Variants in DPP6 observed in about 807,000 individuals in gnomAD.
The protein encoded by DPP6 is dipeptidyl peptidase like 6.
DPP6 carries 69 observed loss-of-function variants against 122.6 expected under a neutral mutation model. That is an observed-to-expected ratio of 0.56 (90% CI 0.46 to 0.69). DPP6 has a LOEUF of 0.69. Ranked by LOEUF, DPP6 falls within the 30% of genes least tolerant of loss-of-function variation. The probability of loss-of-function intolerance (pLI) is 0.00; values close to 1 mark genes in which losing one functional copy is unlikely to be tolerated. For synonymous variants in DPP6, 418 were observed against 433.1 expected (o/e 0.97, Z 0.43); for missense variants, 928 against 1,116.9 (o/e 0.83, Z 2.41).
chr7:154,118,977 T>C (rs534995954), intron 1 of DPP6, among the ~76,000 whole-genome samples: 2,049 of 151,566 alleles, frequency 0.014, 54 homozygotes, highest in African/African-American at 0.048. Context: ...ATAATACATA[T>C]ACCACCTGGC....
chr7:154,451,317 G>A (rs542007540), intron 2 of DPP6, among the ~76,000 whole-genome samples: 1 of 142,760 alleles, frequency 7.0e-6, no homozygotes, highest in Non-Finnish European at 1.5e-5. Context: ...CCGAGATCGC[G>A]CCACTGCACT....
chr7:154,521,968 C>CTT (rs112352021), intron 3 of DPP6, among the ~76,000 whole-genome samples: 2 of 149,778 alleles, frequency 1.3e-5, no homozygotes, highest in East Asian at 2.0e-4. Flanking sequence ...CTTTCTAACT[C>CTT]TTTTTTTTTT....
At chr7:153,805,322 A>G in the DPP6 span, among the ~76,000 whole-genome samples, 20 of 152,204 alleles carry the variant, frequency 1.3e-4, no homozygotes, top group Non-Finnish European at 2.1e-4. Flanking sequence ...TTGTTAGTCC[A>G]AGGGCCCCGC....
At chr7:153,934,345 T>C (rs1472793274) in intron 1 of DPP6, among the ~76,000 whole-genome samples, 1 of 152,134 alleles carries the variant, frequency 6.6e-6, no homozygotes, top group South Asian at 2.1e-4. Context: ...TTCTCCTTTT[T>C]TTTTTCCATC....
chr7:154,412,302 A>G (rs1816670759), intron 1 of DPP6, among the ~76,000 whole-genome samples: 3 of 152,228 alleles, frequency 2.0e-5, no homozygotes, highest in African/African-American at 7.2e-5. Flanking sequence ...GCCAGGTGCC[A>G]GCAAAGTCAA....
chr7:154,334,924 C>G (rs572978915), intron 1 of DPP6, among the ~76,000 whole-genome samples: 1 of 152,040 alleles, frequency 6.6e-6, no homozygotes, highest in Admixed American at 6.6e-5. Flanking sequence ...AAAAAAAATA[C>G]AACAATGTGT....
At chr7:153,967,718 G>A (rs1486437882) in intron 1 of DPP6, among the ~76,000 whole-genome samples, 1 of 152,034 alleles carries the variant, frequency 6.6e-6, no homozygotes, top group Non-Finnish European at 1.5e-5. Context: ...TTTGTCCTGT[G>A]TGCATGCGAG....
At chr7:154,272,835 A>G (rs961753972) in intron 1 of DPP6, among the ~76,000 whole-genome samples, 18 of 152,150 alleles carry the variant, frequency 1.2e-4, no homozygotes, top group African/African-American at 3.6e-4. Flanking sequence ...TTGCATATCA[A>G]TCTTCTGTTC....
At chr7:154,131,923 C>T (rs1795303788) in intron 1 of DPP6, among the ~76,000 whole-genome samples, 1 of 152,104 alleles carries the variant, frequency 6.6e-6, no homozygotes, top group South Asian at 2.1e-4. Context: ...CCTGAAAATA[C>T]AAAAAGGACT....
At chr7:154,503,014 C>T (rs1825377780) in intron 3 of DPP6, among the ~76,000 whole-genome samples, 1 of 152,162 alleles carries the variant, frequency 6.6e-6, no homozygotes, top group African/African-American at 2.4e-5. Flanking sequence ...TGGTCAACAG[C>T]AGAATAACGG....
chr7:154,072,431 T>A (rs946228923), intron 1 of DPP6, among the ~76,000 whole-genome samples: 2 of 152,214 alleles, frequency 1.3e-5, no homozygotes, highest in African/African-American at 2.4e-5. Flanking sequence ...GGAGGACTTC[T>A]CAATAATAGA....
rs1563249287 is a variant in DPP6, at chr7:154,821,667, CATAT to C, written c.1666+14563_1666+14566del. ...ATATACACATATATATATATATACACATATATATATACACACACATATATATATA... is the reference window on the plus strand; with the variant it reads ...ATATACACATATATATATATATACACATATATACACACACATATATATATA... On this transcript the variant is annotated intron_variant, in intron 16 of 25. Transcript: ENST00000377770. The surrounding 1 kb of genome is among the most constrained non-coding windows in gnomAD (Gnocchi z 4.2). 5.7e-5 allele frequency among the ~76,000 whole-genome samples: 8 copies of C among 140,242 alleles called. No individual in the cohort carries two copies. The highest frequency in any genetic ancestry group is 7.6e-5 in the Non-Finnish European group (5 of 65,538). 92.0% of individuals were successfully genotyped at this position (140,242 alleles called of 152,430 possible). A position where few individuals can be genotyped will look rare whatever the true frequency, so the allele number is the denominator to read the frequency against.
At chr7:154,361,603 CA>C (rs34342809) in intron 1 of DPP6, among the ~76,000 whole-genome samples, 6,555 of 57,906 alleles carry the variant, frequency 0.11, 180 homozygotes, top group African/African-American at 0.23. Context: ...AATTGCTAGC[CA>C]AAAAAAAAAA....
chr7:154,854,027 G>A (rs1802618197), intron 17 of DPP6, among the ~76,000 whole-genome samples, 200 bp downstream of exon 17: 1 of 152,166 alleles, frequency 6.6e-6, no homozygotes, highest in Non-Finnish European at 1.5e-5. Context: ...CCCTGCCAGA[G>A]GGCCCCACAC....
At chr7:154,675,393 T>G (rs1375753824) in intron 7 of DPP6, among the ~76,000 whole-genome samples, 1 of 152,142 alleles carries the variant, frequency 6.6e-6, no homozygotes, top group Non-Finnish European at 1.5e-5. Flanking sequence ...TGTGTTTTAA[T>G]GGTTAGGATG....
chr7:154,738,350 T>A (rs1842663826), intron 8 of DPP6, among the ~76,000 whole-genome samples: 1 of 152,248 alleles, frequency 6.6e-6, no homozygotes, highest in South Asian at 2.1e-4. Context: ...TCTTCGTGGC[T>A]CCTTGTTTCT....
rs2531113 is a variant in DPP6, at chr7:153,959,722, G to C, written c.51+71988G>C. 2.6e-3 allele frequency among the ~76,000 whole-genome samples: 398 copies of C among 152,320 alleles called. 2 individuals carry two copies. Among genetic ancestry groups the C allele is most frequent in the Admixed American group, 4.8e-3 (73 of 15,302 alleles). On this transcript the variant is annotated intron_variant, in intron 1 of 25. Coordinates refer to the DPP6 transcript ENST00000404039. ...TGTGGTGGCTGGTTTCACCTTCTAT[G>C]CAGACCACTCAAAGTTTCTTCATGT...
intron 1 of DPP6, among the ~76,000 whole-genome samples, chr7:154,430,466 T>C (rs1818265419): frequency 3.3e-5 from 5 of 152,168 alleles, no homozygotes; most frequent in Admixed American, 2.6e-4. Context: ...TATCCTCACA[T>C]GGCAGAGAGC....
chr7:154,656,089 C>T lies in DPP6; in HGVS notation c.681-13271C>T, dbSNP rs75989363. Among the ~76,000 whole-genome samples, 2,516 of 150,492 alleles carry T rather than the reference C, an allele frequency of 0.017. 97 individuals are homozygous for T. In the East Asian group the frequency reaches 0.18, roughly 11 times the overall value. On this transcript the variant is annotated intron_variant, in intron 6 of 25. Coordinates refer to ENST00000377770, the MANE Select transcript of DPP6 (RefSeq NM_130797.4). ...CAGAGAAGGGTGTGGAGGAGAGGAG[C>T]GGGGCTGCGGTCACGCCCAGGACAC...
Sources: gnomAD v4.1 joint callset for allele counts (sites outside exome capture counted in the v4.1 genomes callset) on GRCh38, gnomAD v4.1.1 for gene constraint, Gnocchi (gnomAD v3.1) non-coding constraint, MANE v1.5 for transcripts, NCBI Gene and HGNC (gene_info 2026-07-23, HGNC 2026-07-21) for gene names.